Variants in MCF2L observed in about 807,000 individuals in gnomAD.
The protein encoded by MCF2L is MCF.2 cell line derived transforming sequence like.
In MCF2L, 97 loss-of-function variants were observed where a neutral mutation model predicts 153.4. That is an observed-to-expected ratio of 0.63 (90% confidence interval 0.54 to 0.75). MCF2L has a LOEUF of 0.75. Among genes scored for constraint, MCF2L ranks in the 30% least tolerant of loss-of-function variants. The pLI is 0.00. For missense variants in MCF2L, 1,347 were observed against 1,495.2 expected, an observed-to-expected ratio of 0.90 and a Z score of 1.64; for synonymous variants, 659 against 632.2, an observed-to-expected ratio of 1.04 and a Z score of -0.64.
At chr13:113,011,646 A>G (rs9549334) in intron 1 of MCF2L, among the ~76,000 whole-genome samples, 19,124 of 67,500 alleles carry the variant, frequency 0.28, 4,233 homozygotes, top group East Asian at 0.58. Flanking sequence ...GTGGACAGGC[A>G]GTGTGGACGG....
chr13:113,074,460 A>G lies in MCF2L; in HGVS notation c.1013A>G (p.Asp338Gly). The G allele has an allele frequency of 6.2e-7, 1 of 1,613,832 alleles. No homozygotes were observed. The highest frequency in any genetic ancestry group is 1.1e-5 in the South Asian group (1 of 91,076). ...CTGTTCCAGGTCAAAGCCATCTTGG[A>G]CGCAGCGTCCCAGAAGATAGCAACC... ...QGFREVKAIL[D>G]AASQKIATFT... is the part of the protein sequence containing the mutation. The change falls in exon 10 of 30, where the codon GAC becomes GGC. Residue 338 changes from aspartate (D) to glycine (G), a missense_variant. Physicochemically the swap from Asp to Gly is moderately conservative, Grantham distance 94. Coordinates refer to ENST00000535094, the MANE Select transcript of MCF2L (RefSeq NM_001112732.3). This position sits in a 1 kb window ranked among gnomAD's most constrained non-coding sequence, Gnocchi z 4.2.
At chr13:113,043,405 G>A (rs1047357310) in intron 3 of MCF2L, 3 of 152,258 alleles carry the variant, frequency 2.0e-5, no homozygotes, top group Admixed American at 6.5e-5. Flanking sequence ...AGAGAGCTCC[G>A]GGATCAGCTC....
intron 26 of MCF2L, among the ~76,000 whole-genome samples, chr13:113,092,428 C>T (rs867926106): frequency 1.4e-5 from 2 of 143,146 alleles, no homozygotes; most frequent in African/African-American, 5.0e-5. Context: ...AGTGTGGTGT[C>T]GAAGCCGGGC....
chr13:112,999,142 G>A (rs998416236), intron 1 of MCF2L, among the ~76,000 whole-genome samples: 2 of 152,214 alleles, frequency 1.3e-5, no homozygotes, highest in Non-Finnish European at 2.9e-5. Context: ...CCCTCCTGAA[G>A]ATGGCCAGGT....
rs748980830 is a variant in MCF2L at position 113,076,133 on chromosome 13, A to T, written c.1476A>T (p.Glu492Asp). Residue 492 changes from glutamate (E) to aspartate (D), a missense_variant, in exon 12 of 30, where the codon GAA becomes GAT. Glu to Asp is a conservative substitution (Grantham distance 45). Transcript: ENST00000535094. ...TCAACGCGATTTACAAGGAATACGA[A>T]TCCATCCTCAACCAAGATCTCATGG... Reference protein sequence around the residue: ...QELNAIYKEYESILNQDLMEH... With the variant: ...QELNAIYKEYDSILNQDLMEH... 6.8e-6 allele frequency: 11 copies of T among 1,613,598 alleles called. No homozygotes were observed. Among genetic ancestry groups the T allele is most frequent in the Non-Finnish European group, 8.5e-6 (10 of 1,179,802 alleles).
In MCF2L at chr13:113,001,630, C is replaced by T. The variant is rs1286677088; in HGVS notation, c.80-13133C>T. 3 of 1,256,180 alleles carry T rather than the reference C, an allele frequency of 2.4e-6. No individual in the cohort carries two copies. In the African/African-American group the frequency reaches 4.7e-5, roughly 20 times the overall value. 77.8% of individuals were successfully genotyped at this position (1,256,180 alleles called of 1,614,324 possible). A position where few individuals can be genotyped will look rare whatever the true frequency, so the allele number is the denominator to read the frequency against. ...AGCAACACCAGGAACCTGAAGCCTC[C>T]CTGGCCGGGGCTCAGCTGTCGCCAG... On this transcript the variant is annotated intron_variant, in intron 1 of 29. Transcript: ENST00000535094.
chr13:112,954,405 A>G (rs1044087291), intron 2 of MCF2L, among the ~76,000 whole-genome samples: 1 of 152,170 alleles, frequency 6.6e-6, no homozygotes, highest in Non-Finnish European at 1.5e-5. Context: ...GGCTTCTGCC[A>G]GCTGCATCCT....
At chr13:112,970,656 G>C (rs1160798798) in intron 1 of MCF2L, among the ~76,000 whole-genome samples, 1 of 152,078 alleles carries the variant, frequency 6.6e-6, no homozygotes, top group Non-Finnish European at 1.5e-5. Flanking sequence ...AGCCCCCCTT[G>C]CTCTGCATGC....
chr13:113,033,325 G>A (rs1331366862), intron 3 of MCF2L, among the ~76,000 whole-genome samples: 15 of 109,952 alleles, frequency 1.4e-4, no homozygotes, highest in East Asian at 7.0e-4. Flanking sequence ...CCCCTGTGGC[G>A]TGAGTGGCCC....
intron 12 of MCF2L, 94 bp downstream of exon 12, chr13:113,076,251 A>G: frequency 1.2e-6 from 1 of 864,134 alleles, no homozygotes; most frequent in South Asian, 2.8e-5. Flanking sequence ...TTAATGAATT[A>G]TTTGTATTTA....
At position 113,074,952 on chromosome 13, in the gene MCF2L, C is replaced by G. The variant is rs377056935; in HGVS notation, c.1117-46C>G. The G allele has an allele frequency of 4.6e-6, 7 of 1,517,286 alleles. No individual in the cohort carries two copies. The highest frequency in any genetic ancestry group is 4.1e-5 in the African/African-American group (3 of 72,818). The allele number at this position is 1,517,286 out of a possible 1,614,324, so 94.0% of individuals were successfully genotyped here. ...CCGTACAGCAAGGCACTGTGTGCCTCGAACAGAAAGAGGCCTGAGCTGGTC... is the reference window on the plus strand; with the variant it reads ...CCGTACAGCAAGGCACTGTGTGCCTGGAACAGAAAGAGGCCTGAGCTGGTC... On this transcript the variant is annotated intron_variant, in intron 10 of 29. Coordinates refer to ENST00000535094, the MANE Select transcript of MCF2L (RefSeq NM_001112732.3). This position sits in a 1 kb window ranked among gnomAD's most constrained non-coding sequence, Gnocchi z 4.2.
intron 1 of MCF2L, among the ~76,000 whole-genome samples, chr13:113,007,677 C>A (rs572232817): frequency 6.6e-6 from 1 of 152,182 alleles, no homozygotes; most frequent in Non-Finnish European, 1.5e-5. Flanking sequence ...AAACGCGGTT[C>A]GGCGGCCTCA....
intron 12 of MCF2L, 98 bp from the exon 13 acceptor site, chr13:113,076,954 G>A (rs372244581): frequency 1.0e-5 from 13 of 1,305,412 alleles, no homozygotes; most frequent in South Asian, 7.0e-5. Context: ...CATTTAAAGC[G>A]GGGGTTGGGC....
At chr13:112,928,898 C>G (rs550172938) in intron 2 of MCF2L, among the ~76,000 whole-genome samples, 2 of 152,206 alleles carry the variant, frequency 1.3e-5, no homozygotes, top group Non-Finnish European at 2.9e-5. Flanking sequence ...TGCGCCTCCT[C>G]CCAGCTGACA....
chr13:112,896,457 G>GCCCCC (rs59245470), intron 1 of MCF2L, among the ~76,000 whole-genome samples: 109 of 151,390 alleles, frequency 7.2e-4, no homozygotes, highest in African/African-American at 2.6e-3. Context: ...CAGAAGAGAG[G>GCCCCC]CCCCCCCTGT....
intron 4 of MCF2L, among the ~76,000 whole-genome samples, chr13:113,052,106 G>A (rs1002930069): frequency 2.0e-5 from 3 of 152,190 alleles, no homozygotes; most frequent in African/African-American, 2.4e-5. Context: ...GTGACAGATC[G>A]GTTAATTGGC....
At chr13:112,896,457 G>GCAC (rs2081068699) in intron 1 of MCF2L, among the ~76,000 whole-genome samples, 2 of 151,424 alleles carry the variant, frequency 1.3e-5, no homozygotes, top group Admixed American at 6.6e-5. Context: ...CAGAAGAGAG[G>GCAC]CCCCCCCTGT....
At chr13:113,082,594 T>G in intron 17 of MCF2L, 52 bp downstream of exon 17, 1 of 1,311,566 alleles carries the variant, frequency 7.6e-7, no homozygotes. Context: ...TTGCAGCTAA[T>G]GGTGCTGGCT....
At chr13:113,050,543 T>C (rs2087172804) in intron 4 of MCF2L, among the ~76,000 whole-genome samples, 2 of 149,936 alleles carry the variant, frequency 1.3e-5, no homozygotes, top group Non-Finnish European at 3.0e-5. Flanking sequence ...TTCTAGGTCG[T>C]CCAGCAAATC....
Sources: allele counts gnomAD v4.1 joint callset (sites outside exome capture counted in the v4.1 genomes callset), GRCh38; gene constraint gnomAD v4.1.1; non-coding constraint Gnocchi (gnomAD v3.1); transcripts MANE v1.5; gene names NCBI Gene and HGNC (gene_info 2026-07-23, HGNC 2026-07-21).